Variants in MTF1 observed in about 807,000 individuals in gnomAD.
MTF1 encodes the protein metal regulatory transcription factor 1.
Under a neutral mutation model 70.4 loss-of-function variants are expected in MTF1, and 22 were observed. The ratio of observed to expected loss-of-function variants is 0.31; its 90% CI spans 0.22 to 0.45. The LOEUF (loss-of-function observed/expected upper bound fraction) is 0.45, where lower values mean the gene tolerates loss of function less well. MTF1 is among the 20% of genes least tolerant of loss of function. The pLI is 1.00. For synonymous variants in MTF1, 333 were observed against 352.8 expected (o/e 0.94, Z 0.63); for missense variants, 649 against 922.0 (o/e 0.70, Z 3.83).
In MTF1 at chr1:37,830,634, G is replaced by A. The variant is rs185676299; in HGVS notation, c.1068+1611C>T. ...ATCATGTTTTCCTGTTTCTTCACGTGTTTACTAATTTGGGATTGCTCTGAA... is the reference window on the plus strand; with the variant it reads ...ATCATGTTTTCCTGTTTCTTCACGTATTTACTAATTTGGGATTGCTCTGAA... On this transcript the variant is annotated intron_variant, in intron 7 of 10. Transcript: ENST00000373036. 1.1e-3 allele frequency among the ~76,000 whole-genome samples: 173 copies of A among 152,298 alleles called. 2 individuals are homozygous for A. Among genetic ancestry groups the A allele is most frequent in the Non-Finnish European group, 1.9e-3 (132 of 68,024 alleles).
At chr1:37,821,973 T>C in intron 9 of MTF1, 148 bp downstream of exon 9, 1 of 668,498 alleles carries the variant, frequency 1.5e-6, no homozygotes, top group Non-Finnish European at 2.5e-6. Context: ...TTATACCACT[T>C]GATTATGTGG....
intron 2 of MTF1, among the ~76,000 whole-genome samples, chr1:37,853,627 C>T (rs887883991): frequency 6.6e-6 from 1 of 152,204 alleles, no homozygotes; most frequent in African/African-American, 2.4e-5. Flanking sequence ...ACCTGCATTC[C>T]TTGTTTCATG....
intron 7 of MTF1, among the ~76,000 whole-genome samples, chr1:37,831,499 G>A (rs1040160660): frequency 3.3e-5 from 5 of 152,076 alleles, no homozygotes; most frequent in Admixed American, 1.3e-4. Context: ...CAGGAAAAAC[G>A]ACAACAAAAA....
Position 37,857,683 on chromosome 1 carries a change from G to A in MTF1, c.-25C>T, listed in dbSNP as rs891043995. The A allele has an allele frequency of 6.2e-7, 1 of 1,605,780 alleles. No individual in the cohort carries two copies. Among genetic ancestry groups the A allele is most frequent in the African/African-American group, 1.3e-5 (1 of 74,810 alleles). Reference sequence around the variant, plus strand: ...TGGTTCAGTTGTGCTCAGCCCAGTTGTGAGAAATGAAAACGTAATGACTTG... The same window carrying A: ...TGGTTCAGTTGTGCTCAGCCCAGTTATGAGAAATGAAAACGTAATGACTTG... On this transcript the variant is annotated 5_prime_UTR_variant, in exon 2 of 11. An upstream open reading frame in the 5' UTR gains an earlier in-frame stop. Coordinates refer to ENST00000373036, the MANE Select transcript of MTF1 (RefSeq NM_005955.3).
intron 2 of MTF1, among the ~76,000 whole-genome samples, chr1:37,843,776 T>A (rs907998056): frequency 1.3e-5 from 2 of 152,252 alleles, no homozygotes; most frequent in African/African-American, 4.8e-5. Context: ...CTGGATGGAT[T>A]TGGCCTGTAG....
chr1:37,820,892 G>T (rs1008262133), intron 9 of MTF1, among the ~76,000 whole-genome samples: 7 of 152,072 alleles, frequency 4.6e-5, no homozygotes, highest in Non-Finnish European at 8.8e-5. Flanking sequence ...ATAATAATAG[G>T]GGAGGGCTGG....
intron 2 of MTF1, among the ~76,000 whole-genome samples, chr1:37,850,967 C>T (rs182381752): frequency 2.8e-4 from 43 of 151,820 alleles, no homozygotes; most frequent in African/African-American, 7.3e-4. Flanking sequence ...TGAAAAAAAA[C>T]GAAAGGAAAA....
Position 37,835,096 on chromosome 1 carries a change from G to A in MTF1, c.973C>T (p.Gln325Ter). The A allele has an allele frequency of 6.2e-7, 1 of 1,614,160 alleles. No individual in the cohort carries two copies. Among genetic ancestry groups the A allele is most frequent in the Non-Finnish European group, 8.5e-7 (1 of 1,179,988 alleles). ...CTACACACCTCTGATCCATTGTGTT[G>A]TGGAAGTGCATTGTATGAGTGTCCT... The part of the protein sequence containing the change: ...NKGHSYNALP[Q>*]HNGSEDTNHS... Residue 325 changes from glutamine (Q) to a stop codon, truncating the protein, a stop_gained, in exon 6 of 11, where the codon CAA becomes TAA. Transcript: ENST00000373036. LOFTEE classifies it high-confidence loss of function.
chr1:37,857,324 G>A lies in MTF1; in HGVS notation c.335C>T (p.Thr112Ile). ...QIHLTINPGS[T>I]PMPRNIEGAT... Reference sequence around the variant, plus strand: ...ACCTTCAATATTTCTTGGCATGGGTGTGGAACCAGGGTTTATTGTCAAATG... The same window carrying A: ...ACCTTCAATATTTCTTGGCATGGGTATGGAACCAGGGTTTATTGTCAAATG... Residue 112 changes from threonine (T) to isoleucine (I), a missense_variant, in exon 2 of 11, where the codon ACA (threonine) becomes ATA (isoleucine). Physicochemically the swap from Thr to Ile is moderately conservative, Grantham distance 89 (BLOSUM62 -1). This residue lies in a region of MTF1 where 118 missense variants were observed against 287.2 expected (regional missense o/e 0.41). Coordinates refer to ENST00000373036, the MANE Select transcript of MTF1 (RefSeq NM_005955.3). 6.2e-7 allele frequency: 1 copy of A among 1,614,190 alleles called. No individual in the cohort carries two copies.
Position 37,828,271 on chromosome 1 carries a change from G to T in MTF1, c.1068+3974C>A, listed in dbSNP as rs775307185. 2.3e-4 allele frequency: 87 copies of T among 370,884 alleles called. 1 individual carries two copies. In the Admixed American group the frequency reaches 3.3e-3, roughly 14 times the overall value. The allele number at this position is 370,884 out of a possible 1,614,324, so 23.0% of individuals were successfully genotyped here. Reference sequence around the variant, plus strand: ...CATGGCTTTTGGGGGTATGTGAGGGGGGGGCCTCTGGGGTGCTGGGAATGT... The same window carrying T: ...CATGGCTTTTGGGGGTATGTGAGGGTGGGGCCTCTGGGGTGCTGGGAATGT... On this transcript the variant is annotated intron_variant, in intron 7 of 10. Coordinates refer to ENST00000373036, the MANE Select transcript of MTF1 (RefSeq NM_005955.3).
At chr1:37,845,596 C>A (rs1641320535) in intron 2 of MTF1, among the ~76,000 whole-genome samples, 4 of 152,200 alleles carry the variant, frequency 2.6e-5, no homozygotes, top group African/African-American at 9.7e-5. Flanking sequence ...ACAGCCTCAA[C>A]CTCCTGGGCT....
Position 37,859,556 on chromosome 1 carries a change from A to G in MTF1, c.-77T>C, listed in dbSNP as rs1314540567. On this transcript the variant is annotated 5_prime_UTR_variant, in exon 1 of 11. Transcript: ENST00000373036. ...CTCCGCGGCTCCCGGCAACGGCGGC[A>G]GCAGCAGCTTCTCCCCTCCCCAGCG... 7.5e-6 allele frequency: 3 copies of G among 398,962 alleles called. No individual in the cohort carries two copies. The highest frequency in any genetic ancestry group is 4.4e-5 in the Admixed American group (1 of 22,722). 24.7% of individuals were successfully genotyped at this position (398,962 alleles called of 1,614,324 possible).
At chr1:37,824,773 T>G (rs1640976157) in intron 7 of MTF1, among the ~76,000 whole-genome samples, 1 of 152,174 alleles carries the variant, frequency 6.6e-6, no homozygotes, top group Non-Finnish European at 1.5e-5. Flanking sequence ...TTGTGAATAT[T>G]TTTCATAATA....
chr1:37,837,916 A>G (rs1466225500), intron 4 of MTF1, among the ~76,000 whole-genome samples: 1 of 152,192 alleles, frequency 6.6e-6, no homozygotes, highest in African/African-American at 2.4e-5. Context: ...AATCATCCCA[A>G]AGCTGATTTT....
intron 9 of MTF1, among the ~76,000 whole-genome samples, chr1:37,821,172 T>TATA (rs71573763): frequency 0.23 from 34,640 of 149,620 alleles, 4,484 homozygotes; most frequent in Non-Finnish European, 0.29. Flanking sequence ...CCTCAAAATA[T>TATA]ATAATAATAA....
intron 1 of MTF1, among the ~76,000 whole-genome samples, chr1:37,858,039 A>AAAAAGG (rs1641528051): frequency 1.3e-5 from 2 of 151,768 alleles, no homozygotes; most frequent in Non-Finnish European, 2.9e-5. Context: ...AAAGAAAAAG[A>AAAAAGG]AAGAAAAGCA....
chr1:37,857,206 C>T, intron 2 of MTF1, 45 bp downstream of exon 2: 2 of 1,574,090 alleles, frequency 1.3e-6, no homozygotes, highest in Non-Finnish European at 8.7e-7. Context: ...TTTGTAAGGA[C>T]TTGCCCCAAA....
Position 37,840,404 on chromosome 1 carries a change from A to C in MTF1, c.409-246T>G. The C allele has an allele frequency of 1.8e-6, 1 of 565,250 alleles. No homozygotes were observed. The highest frequency in any genetic ancestry group is 1.7e-5 in the South Asian group (1 of 59,322). 35.0% of individuals were successfully genotyped at this position (565,250 alleles called of 1,614,324 possible). On this transcript the variant is annotated intron_variant, in intron 2 of 10. Coordinates refer to ENST00000373036, the MANE Select transcript of MTF1 (RefSeq NM_005955.3). This position sits in a 1 kb window ranked among gnomAD's most constrained non-coding sequence, Gnocchi z 4.5. ...ATGTAGATGAATATTCTAAATGAAC[A>C]TAAGAATGTTTTCAGACTCTATATA...
rs761708737 is a variant in MTF1 at position 37,817,497 on chromosome 1, AG to A, written c.1768-16del. 9 of 1,599,092 alleles carry A rather than the reference AG, an allele frequency of 5.6e-6. No individual in the cohort carries two copies. Among genetic ancestry groups the A allele is most frequent in the South Asian group, 4.4e-5 (4 of 90,776 alleles). On this transcript the variant is annotated splice_polypyrimidine_tract_variant and intron_variant, in intron 9 of 10. Transcript: ENST00000373036. Reference sequence around the variant, plus strand: ...GATGCTTGCTGCTGAAAAAAGAAAAAGAAATCTCATTTATAGCCACTGTAAT... The same window carrying A: ...GATGCTTGCTGCTGAAAAAAGAAAAAAAATCTCATTTATAGCCACTGTAAT...
Sources: allele counts gnomAD v4.1 joint callset (sites outside exome capture counted in the v4.1 genomes callset), GRCh38; gene constraint gnomAD v4.1.1; regional missense constraint gnomAD v4.1.1; non-coding constraint Gnocchi (gnomAD v3.1); transcripts MANE v1.5; gene names NCBI Gene and HGNC (gene_info 2026-07-23, HGNC 2026-07-21).